The following PIGF variants were observed in gnomAD, a reference collection of about 807,000 sequenced individuals.
PIGF encodes the protein GPI ethanolamine phosphate transferase, stabilizing subunit.
Under a neutral mutation model 26.0 loss-of-function variants are expected in PIGF, and 23 were observed. That is an observed-to-expected ratio of 0.88 (90% CI 0.64 to 1.25). The LOEUF (loss-of-function observed/expected upper bound fraction) is 1.25. Ranked by LOEUF, PIGF falls within the 50% of genes most tolerant of loss-of-function variation. PIGF has a pLI of 0.00. For missense variants in PIGF, 278 were observed against 249.9 expected (o/e 1.11, Z -0.76); for synonymous variants, 93 against 92.6 (o/e 1.00, Z -0.03).
At chr2:46,590,970 T>C (rs1224281226) in intron 5 of PIGF, among the ~76,000 whole-genome samples, 1 of 152,208 alleles carries the variant, frequency 6.6e-6, no homozygotes, top group Non-Finnish European at 1.5e-5. Context: ...GGCAGTTATG[T>C]GCAAGGCACA....
At chr2:46,607,485 G>C (rs1273040428) in intron 4 of PIGF, among the ~76,000 whole-genome samples, 6 of 152,148 alleles carry the variant, frequency 3.9e-5, no homozygotes, top group African/African-American at 1.4e-4. Flanking sequence ...GCATATAAAA[G>C]TTATATTTCT....
intron 4 of PIGF, among the ~76,000 whole-genome samples, chr2:46,597,134 G>T (rs11125084): frequency 0.99 from 151,494 of 152,338 alleles, 75,331 homozygotes; most frequent in East Asian, 1. Context: ...TGGGGTCCCT[G>T]CACGAGCATC....
At chr2:46,587,520 T>TA (rs1295317932) in intron 5 of PIGF, among the ~76,000 whole-genome samples, 2 of 152,178 alleles carry the variant, frequency 1.3e-5, no homozygotes, top group South Asian at 2.1e-4. Context: ...ACAAATATTT[T>TA]AAAACAACTT....
Position 46,588,060 on chromosome 2 carries a change from G to T in PIGF, c.546+4415C>A. On this transcript the variant is annotated intron_variant, in intron 5 of 5. Coordinates refer to ENST00000281382, the MANE Select transcript of PIGF (RefSeq NM_002643.4). This position sits in a 1 kb window ranked among gnomAD's most constrained non-coding sequence, Gnocchi z 4.1. ...ACTTGGACTTTCTAGTGTATAAAAT[G>T]GGAGTAAAACCTACCTTGCACTACG... The T allele has an allele frequency of 6.5e-7, 1 of 1,544,464 alleles. No homozygotes were observed. The highest frequency in any genetic ancestry group is 8.7e-7 in the Non-Finnish European group (1 of 1,144,962).
At position 46,592,505 on chromosome 2, in the gene PIGF, A is replaced by T. The variant is rs1196913733; in HGVS notation, c.516T>A (p.Pro172=). The T allele has an allele frequency of 3.1e-6, 5 of 1,603,112 alleles. No individual in the cohort carries two copies. In the East Asian group the frequency reaches 1.1e-4, roughly 36 times the overall value. Residue 172 remains proline (P), a synonymous_variant, in exon 5 of 6, where the codon CCT becomes CCA. Transcript: ENST00000281382. ...ATGGTCTTTCCCAATCCAGTGGAAT[A>T]GGAAGTGCTCCAAGCCATGCTCCTA... ...SFVGAWLGAL[P]IPLDWERPWQ...
intron 4 of PIGF, among the ~76,000 whole-genome samples, chr2:46,599,163 G>A (rs936291022): frequency 6.6e-6 from 1 of 152,198 alleles, no homozygotes; most frequent in Non-Finnish European, 1.5e-5. Flanking sequence ...AACAGGCTCA[G>A]TATCTGGGGA....
chr2:46,617,001 G>A lies in PIGF; in HGVS notation c.-53C>T, dbSNP rs919164730. 6.3e-5 allele frequency: 35 copies of A among 559,524 alleles called. No homozygotes were observed. The highest frequency in any genetic ancestry group is 4.3e-4 in the African/African-American group (22 of 51,544). 34.7% of individuals were successfully genotyped at this position (559,524 alleles called of 1,614,324 possible). A position where few individuals can be genotyped will look rare whatever the true frequency, so the allele number is the denominator to read the frequency against. ...CTCCCTCCCGCGGAAGGGAAGCGGGGAACTACTGCCTCCTACCATCAGGTA... is the reference window on the plus strand; with the variant it reads ...CTCCCTCCCGCGGAAGGGAAGCGGGAAACTACTGCCTCCTACCATCAGGTA... On this transcript the variant is annotated 5_prime_UTR_variant, in exon 1 of 6. Coordinates refer to ENST00000281382, the MANE Select transcript of PIGF (RefSeq NM_002643.4).
chr2:46,586,338 T>G (rs912862223), intron 5 of PIGF, among the ~76,000 whole-genome samples: 3 of 152,206 alleles, frequency 2.0e-5, no homozygotes, highest in African/African-American at 7.2e-5. Context: ...TCGAAACTAT[T>G]TGTGGAGCCC....
At chr2:46,592,716 T>C (rs575253709) in intron 4 of PIGF, 133 bp from the exon 5 acceptor site, 9 of 592,286 alleles carry the variant, frequency 1.5e-5, no homozygotes, top group African/African-American at 1.3e-4. Flanking sequence ...AAATGACATA[T>C]ACATATTTAC....
Position 46,581,405 on chromosome 2 carries a change from T to G in PIGF, c.*73A>C. On this transcript the variant is annotated 3_prime_UTR_variant, in exon 6 of 6. Coordinates refer to ENST00000281382, the MANE Select transcript of PIGF (RefSeq NM_002643.4). Reference sequence around the variant, plus strand: ...AAAACAGAGCTGTAAATGGAACTGCTTGGCTTTGACCATACACATTTCTGC... The same window carrying G: ...AAAACAGAGCTGTAAATGGAACTGCGTGGCTTTGACCATACACATTTCTGC... 2 of 1,554,058 alleles carry G rather than the reference T, an allele frequency of 1.3e-6. No individual in the cohort carries two copies. The highest frequency in any genetic ancestry group is 1.2e-5 in the South Asian group (1 of 84,766).
chr2:46,609,469 T>C (rs1352538315), intron 4 of PIGF, among the ~76,000 whole-genome samples: 1 of 152,240 alleles, frequency 6.6e-6, no homozygotes, highest in African/African-American at 2.4e-5. Context: ...TTAAGAACTT[T>C]TCCTTTGCAT....
At chr2:46,584,583 C>G (rs1669506481) in intron 5 of PIGF, among the ~76,000 whole-genome samples, 1 of 152,134 alleles carries the variant, frequency 6.6e-6, no homozygotes, top group Admixed American at 6.5e-5. Context: ...AAAATTTTGT[C>G]TAATGAAGGG....
At chr2:46,585,340 G>A (rs968105325) in intron 5 of PIGF, among the ~76,000 whole-genome samples, 13 of 152,126 alleles carry the variant, frequency 8.5e-5, no homozygotes, top group African/African-American at 2.9e-4. Flanking sequence ...CCAGTAAATA[G>A]AAGAAACAAC....
intron 4 of PIGF, among the ~76,000 whole-genome samples, chr2:46,608,885 G>C (rs571061767): frequency 1.1e-4 from 17 of 152,200 alleles, no homozygotes; most frequent in African/African-American, 4.1e-4. Flanking sequence ...ACAGTATATA[G>C]GCAAAGTAGA....
chr2:46,590,975 G>C (rs1159222170), intron 5 of PIGF, among the ~76,000 whole-genome samples: 1 of 152,174 alleles, frequency 6.6e-6, no homozygotes, highest in Non-Finnish European at 1.5e-5. Context: ...TTATGTGCAA[G>C]GCACACAATC....
intron 2 of PIGF, 189 bp from the exon 3 acceptor site, chr2:46,613,974 C>G: frequency 2.0e-6 from 1 of 504,974 alleles, no homozygotes. Flanking sequence ...ACTAAAAAAG[C>G]CTAAAAGGCA....
intron 3 of PIGF, among the ~76,000 whole-genome samples, chr2:46,612,775 G>C (rs1277761360): frequency 6.6e-6 from 1 of 152,092 alleles, no homozygotes; most frequent in Non-Finnish European, 1.5e-5. Flanking sequence ...ACATATATTG[G>C]AAACACCTGG....
intron 4 of PIGF, among the ~76,000 whole-genome samples, chr2:46,605,454 C>T (rs1382406323): frequency 1.3e-5 from 2 of 152,072 alleles, no homozygotes; most frequent in Non-Finnish European, 2.9e-5. Flanking sequence ...AGACAAATTG[C>T]AGTAAGGACT....
At chr2:46,609,332 G>T (rs961045502) in intron 4 of PIGF, among the ~76,000 whole-genome samples, 11 of 152,346 alleles carry the variant, frequency 7.2e-5, no homozygotes, top group African/African-American at 2.4e-4. Context: ...TCTGGATTAG[G>T]ATTTGGCTTA....
Sources: gnomAD v4.1 joint callset for allele counts (sites outside exome capture counted in the v4.1 genomes callset) on GRCh38, gnomAD v4.1.1 for gene constraint, Gnocchi (gnomAD v3.1) non-coding constraint, MANE v1.5 for transcripts, NCBI Gene and HGNC (gene_info 2026-07-23, HGNC 2026-07-21) for gene names.